MTMR3: variants seen among roughly 807,000 people sequenced by gnomAD.
The protein encoded by MTMR3 is phosphatidylinositol-3,5-bisphosphate 3-phosphatase MTMR3.
Under a neutral mutation model 132.4 loss-of-function variants are expected in MTMR3, and 32 were observed. The observed-to-expected ratio is 0.24, with a 90% CI of 0.18 to 0.32. The LOEUF (loss-of-function observed/expected upper bound fraction) is 0.32, where lower values mean the gene tolerates loss of function less well. MTMR3 is among the 10% of genes least tolerant of loss of function. The pLI is 1.00. For synonymous variants in MTMR3, 556 were observed against 550.3 expected, an observed-to-expected ratio of 1.01 and a Z score of -0.14; for missense variants, 1,216 against 1,489.6, an observed-to-expected ratio of 0.82 and a Z score of 3.02.
At chr22:29,975,010 G>A (rs2066603353) in intron 3 of MTMR3, among the ~76,000 whole-genome samples, 1 of 152,190 alleles carries the variant, frequency 6.6e-6, no homozygotes, top group Admixed American at 6.5e-5. Flanking sequence ...TCTGTCGCCC[G>A]GGTTGGAGAG....
At position 30,027,020 on chromosome 22, in the gene MTMR3, G is replaced by C. The variant is rs1908017430; in HGVS notation, c.*1219G>C. On this transcript the variant is annotated 3_prime_UTR_variant, in exon 20 of 20. Transcript: ENST00000401950. ...TTCCTTAGAGAAGTGACATGGCCTTGAGGAGATTCAGGGCACCTTTCCTCA... is the reference window on the plus strand; with the variant it reads ...TTCCTTAGAGAAGTGACATGGCCTTCAGGAGATTCAGGGCACCTTTCCTCA... The C allele has an allele frequency of 1.3e-5, 2 of 152,824 alleles. No individual in the cohort carries two copies. The highest frequency in any genetic ancestry group is 4.8e-5 in the African/African-American group (2 of 41,464). The allele number at this position is 152,824 out of a possible 1,614,324, so 9.5% of individuals were successfully genotyped here. A position where few individuals can be genotyped will look rare whatever the true frequency, so the allele number is the denominator to read the frequency against.
At chr22:29,915,351 A>G (rs2145756485) in intron 1 of MTMR3, among the ~76,000 whole-genome samples, 1 of 152,258 alleles carries the variant, frequency 6.6e-6, no homozygotes. Flanking sequence ...ATATATTTGC[A>G]ATGCATTTCT....
At chr22:29,937,387 T>A (rs886309036) in intron 1 of MTMR3, among the ~76,000 whole-genome samples, 1 of 151,350 alleles carries the variant, frequency 6.6e-6, no homozygotes, top group Admixed American at 6.6e-5. Flanking sequence ...TTTTTGTGCT[T>A]GTTCACTTTT....
Position 30,022,134 on chromosome 22 carries a change from A to G in MTMR3, c.3331A>G (p.Thr1111Ala), listed in dbSNP as rs201457757. The change falls in exon 18 of 20, where the codon ACA (threonine) becomes GCA (alanine). Residue 1111 changes from threonine (T) to alanine (A), a missense_variant. Thr to Ala is a moderately conservative substitution (Grantham distance 58). Transcript: ENST00000401950. ...CTGGGAGCAGGTGGATAAACAGGAC[A>G]CAGAGGTACAGGCTCAGCCCCTGCT... ...ASWEQVDKQDTEMTRWLPDHL... is the reference protein window; with the variant it reads ...ASWEQVDKQDAEMTRWLPDHL... 5.9e-5 allele frequency: 95 copies of G among 1,610,818 alleles called. No individual in the cohort carries two copies. Among genetic ancestry groups the G allele is most frequent in the Non-Finnish European group, 7.7e-5 (91 of 1,177,084 alleles).
intron 1 of MTMR3, among the ~76,000 whole-genome samples, chr22:29,895,840 G>A (rs1041129393): frequency 1.3e-5 from 2 of 152,092 alleles, no homozygotes; most frequent in Non-Finnish European, 2.9e-5. Context: ...GTGTCTTCTC[G>A]GTCCAGCCAC....
chr22:29,966,640 A>C (rs2066421103), intron 2 of MTMR3, among the ~76,000 whole-genome samples: 1 of 152,086 alleles, frequency 6.6e-6, no homozygotes, highest in Non-Finnish European at 1.5e-5. Context: ...CGGGATAGAT[A>C]CTTGATTCTT....
At chr22:29,950,367 A>T (rs5763630) in intron 1 of MTMR3, among the ~76,000 whole-genome samples, 112,211 of 151,000 alleles carry the variant, frequency 0.74, 41,796 homozygotes, top group East Asian at 0.92. Context: ...TTTTTTATTT[A>T]TTTTTTTATT....
intron 1 of MTMR3, among the ~76,000 whole-genome samples, chr22:29,917,020 A>G (rs1342547551): frequency 1.3e-5 from 2 of 152,174 alleles, no homozygotes; most frequent in South Asian, 2.1e-4. Flanking sequence ...CAATATCCCA[A>G]TATCTTCAGC....
At chr22:29,967,196 TGTG>T (rs2066440817) in intron 2 of MTMR3, among the ~76,000 whole-genome samples, 1 of 16,388 alleles carries the variant, frequency 6.1e-5, no homozygotes, top group Non-Finnish European at 1.7e-4. Flanking sequence ...ACCTCTGTTG[TGTG>T]TGTGTGTGTG....
chr22:29,962,612 C>T (rs545167582), intron 2 of MTMR3, among the ~76,000 whole-genome samples: 2 of 152,034 alleles, frequency 1.3e-5, no homozygotes, highest in Admixed American at 6.6e-5. Context: ...TTGAGGCCGC[C>T]GTGAACCATG....
chr22:29,916,822 G>C (rs1375915720), intron 1 of MTMR3, among the ~76,000 whole-genome samples: 1 of 152,138 alleles, frequency 6.6e-6, no homozygotes, highest in Non-Finnish European at 1.5e-5. Flanking sequence ...ACAGGATTTT[G>C]TGTAAATAAA....
At chr22:29,905,929 A>G (rs1291543755) in intron 1 of MTMR3, among the ~76,000 whole-genome samples, 1 of 152,178 alleles carries the variant, frequency 6.6e-6, no homozygotes, top group Non-Finnish European at 1.5e-5. Flanking sequence ...AACTTTTTTC[A>G]AAGTCATTAT....
intron 1 of MTMR3, among the ~76,000 whole-genome samples, chr22:29,920,624 A>G (rs1297184469): frequency 6.6e-6 from 1 of 152,228 alleles, no homozygotes; most frequent in Non-Finnish European, 1.5e-5. Context: ...AATCTTAGGC[A>G]CAGGAAATCA....
intron 1 of MTMR3, among the ~76,000 whole-genome samples, chr22:29,931,296 G>A (rs2065638842): frequency 6.6e-6 from 1 of 152,142 alleles, no homozygotes; most frequent in South Asian, 2.1e-4. Context: ...TAGTTTCATG[G>A]TACTGTTAAT....
Position 29,978,431 on chromosome 22 carries a change from G to T in MTMR3, c.4-11G>T. On this transcript the variant is annotated splice_polypyrimidine_tract_variant and intron_variant, in intron 3 of 19. Coordinates refer to ENST00000401950, the MANE Select transcript of MTMR3 (RefSeq NM_021090.4). ...GCTTTGAAATTATTTTAAGGTTTTGGACTTTTCCAGGATGAAGAGACTCGG... is the reference window on the plus strand; with the variant it reads ...GCTTTGAAATTATTTTAAGGTTTTGTACTTTTCCAGGATGAAGAGACTCGG... The T allele has an allele frequency of 1.2e-6, 2 of 1,602,986 alleles. No homozygotes were observed. The highest frequency in any genetic ancestry group is 2.2e-5 in the South Asian group (2 of 89,788).
At chr22:29,912,437 C>T (rs2145750530) in intron 1 of MTMR3, among the ~76,000 whole-genome samples, 1 of 152,202 alleles carries the variant, frequency 6.6e-6, no homozygotes. Context: ...GTGTGCGCTA[C>T]CATGCCTGGC....
intron 2 of MTMR3, among the ~76,000 whole-genome samples, chr22:29,967,919 G>C (rs1247807483): frequency 1.6e-5 from 1 of 63,330 alleles, no homozygotes; most frequent in Non-Finnish European, 4.9e-5. Context: ...TATATATACT[G>C]TGTGTGTGTG....
intron 1 of MTMR3, among the ~76,000 whole-genome samples, chr22:29,898,651 C>T (rs1403587873): frequency 6.6e-6 from 1 of 152,194 alleles, no homozygotes; most frequent in Non-Finnish European, 1.5e-5. Context: ...GTCCACCCAC[C>T]TCAGCCTCCC....
At chr22:29,895,744 T>C (rs1416646751) in intron 1 of MTMR3, among the ~76,000 whole-genome samples, 4 of 152,150 alleles carry the variant, frequency 2.6e-5, no homozygotes, top group African/African-American at 4.8e-5. Context: ...TTCAGAAAGC[T>C]GTAGTGGATC....
Sources: gnomAD v4.1 joint callset for allele counts (sites outside exome capture counted in the v4.1 genomes callset) on GRCh38, gnomAD v4.1.1 for gene constraint, MANE v1.5 for transcripts, NCBI Gene and HGNC (gene_info 2026-07-23, HGNC 2026-07-21) for gene names.